The following SND1 variants were observed in gnomAD, a reference collection of about 807,000 sequenced individuals.
SND1 encodes staphylococcal nuclease domain-containing protein 1.
Under a neutral mutation model 121.7 loss-of-function variants are expected in SND1, and 38 were observed. The observed-to-expected ratio is 0.31, with a 90% confidence interval of 0.24 to 0.41. SND1 has a LOEUF of 0.41. Among genes scored for constraint, SND1 ranks in the 10% least tolerant of loss-of-function variants. The probability of loss-of-function intolerance (pLI) is 1.00; values close to 1 mark genes in which losing one functional copy is unlikely to be tolerated. For missense variants in SND1, 868 were observed against 1,184.6 expected, an observed-to-expected ratio of 0.73 and a Z score of 3.92; for synonymous variants, 401 against 447.4, an observed-to-expected ratio of 0.90 and a Z score of 1.31.
chr7:127,955,655 C>T (rs138140734), intron 15 of SND1, among the ~76,000 whole-genome samples: 1 of 152,270 alleles, frequency 6.6e-6, no homozygotes, highest in Non-Finnish European at 1.5e-5. Flanking sequence ...CTTTCTCAGG[C>T]ATATCATCAG....
intron 8 of SND1, among the ~76,000 whole-genome samples, chr7:127,706,505 G>T (rs1033955889): frequency 6.6e-6 from 1 of 151,972 alleles, no homozygotes; most frequent in Non-Finnish European, 1.5e-5. Flanking sequence ...TGATCCGCCC[G>T]CCTTGGCCTC....
chr7:128,034,812 C>T (rs1238016819), intron 16 of SND1, among the ~76,000 whole-genome samples: 1 of 152,324 alleles, frequency 6.6e-6, no homozygotes, highest in South Asian at 2.1e-4. Flanking sequence ...GCTGTGGGGC[C>T]GTCGTTGCAC....
chr7:128,017,955 G>C (rs1803262492), intron 16 of SND1, among the ~76,000 whole-genome samples: 1 of 152,232 alleles, frequency 6.6e-6, no homozygotes, highest in South Asian at 2.1e-4. Context: ...TCTGGCACCT[G>C]ACAAGGGCTC....
chr7:127,842,239 CTG>C lies in SND1; in HGVS notation c.1243-2082_1243-2081del, dbSNP rs1335989601. ...ATGTATTTAGAAAAGGGATTCCAGA[CTG>C]TGGAGAAGGCTTCCGTCTCCTTGAT... On this transcript the variant is annotated intron_variant, in intron 11 of 23. Coordinates refer to ENST00000354725, the MANE Select transcript of SND1 (RefSeq NM_014390.4). Among the ~76,000 whole-genome samples, 10 of 152,268 alleles carry C rather than the reference CTG, an allele frequency of 6.6e-5. No homozygotes were observed. The East Asian group carries it at 1.9e-3, about 29-fold the overall frequency.
At chr7:127,696,494 G>C (rs531359558) in intron 3 of SND1, among the ~76,000 whole-genome samples, 1 of 152,190 alleles carries the variant, frequency 6.6e-6, no homozygotes, top group Non-Finnish European at 1.5e-5. Context: ...TGGTTAGAAA[G>C]AATGTAAGAG....
At chr7:127,815,592 A>G (rs1798424096) in intron 11 of SND1, among the ~76,000 whole-genome samples, 1 of 152,140 alleles carries the variant, frequency 6.6e-6, no homozygotes. Context: ...CAGTGGAGGT[A>G]GAAATTGGAG....
At chr7:127,783,199 C>T (rs1373252604) in intron 10 of SND1, among the ~76,000 whole-genome samples, 4 of 152,196 alleles carry the variant, frequency 2.6e-5, no homozygotes, top group Non-Finnish European at 4.4e-5. Flanking sequence ...GTTCAACAGA[C>T]GTTGAACCAG....
At chr7:128,043,826 TTATATA>T (rs1001802961) in intron 16 of SND1, among the ~76,000 whole-genome samples, 2 of 141,994 alleles carry the variant, frequency 1.4e-5, no homozygotes, top group East Asian at 4.1e-4. Flanking sequence ...TTGTGTATCT[TTATATA>T]TGTATATATG....
chr7:127,964,692 G>C (rs745645125), intron 15 of SND1, among the ~76,000 whole-genome samples: 3 of 150,606 alleles, frequency 2.0e-5, no homozygotes, highest in African/African-American at 7.4e-5. Flanking sequence ...GTAGCGTGAT[G>C]CCTCCAGCTT....
intron 10 of SND1, among the ~76,000 whole-genome samples, chr7:127,773,691 G>GA (rs1797560278): frequency 6.6e-6 from 1 of 151,936 alleles, no homozygotes; most frequent in Non-Finnish European, 1.5e-5. Flanking sequence ...CTGTCTCCTC[G>GA]AAAAAAAATC....
intron 1 of SND1, among the ~76,000 whole-genome samples, chr7:127,663,227 C>G (rs1231899823): frequency 6.6e-6 from 1 of 152,016 alleles, no homozygotes; most frequent in African/African-American, 2.4e-5. Context: ...CTAATAATAC[C>G]TAATACAGTG....
At chr7:127,705,539 A>G (rs61699393) in intron 8 of SND1, among the ~76,000 whole-genome samples, 2,591 of 152,272 alleles carry the variant, frequency 0.017, 93 homozygotes, top group African/African-American at 0.059. Flanking sequence ...AGAAATTCCA[A>G]ATATTAGTCG....
chr7:127,762,393 G>A (rs897686650), intron 10 of SND1, among the ~76,000 whole-genome samples: 38 of 152,258 alleles, frequency 2.5e-4, no homozygotes, highest in African/African-American at 8.7e-4. Context: ...CTGCCCCCTT[G>A]CTGTCTCTTC....
At chr7:127,930,575 T>C (rs190172797) in intron 15 of SND1, among the ~76,000 whole-genome samples, 5 of 152,274 alleles carry the variant, frequency 3.3e-5, no homozygotes, top group Non-Finnish European at 5.9e-5. Context: ...CATTGAAGTG[T>C]GACACCAAGC....
chr7:128,009,284 G>T (rs570203626), intron 16 of SND1, among the ~76,000 whole-genome samples: 1 of 152,350 alleles, frequency 6.6e-6, no homozygotes, highest in Non-Finnish European at 1.5e-5. Flanking sequence ...TGAGCCTGGT[G>T]CACTGGCGGA....
chr7:127,982,055 A>G (rs972386719), intron 15 of SND1, among the ~76,000 whole-genome samples: 3 of 152,330 alleles, frequency 2.0e-5, no homozygotes, highest in African/African-American at 7.2e-5. Flanking sequence ...GAAGTGGCAT[A>G]TCCCTTACCT....
chr7:127,828,109 G>T (rs878968319), intron 11 of SND1, among the ~76,000 whole-genome samples: 1 of 152,078 alleles, frequency 6.6e-6, no homozygotes, highest in Non-Finnish European at 1.5e-5. Flanking sequence ...TGATTCTTCT[G>T]CCTCAGCCTC....
intron 16 of SND1, among the ~76,000 whole-genome samples, chr7:127,996,140 T>TA (rs34060223): frequency 0.22 from 31,742 of 142,598 alleles, 3,700 homozygotes; most frequent in Middle Eastern, 0.31. Flanking sequence ...CTCCCTGCTT[T>TA]AAAAAAAAAA....
intron 15 of SND1, among the ~76,000 whole-genome samples, chr7:127,956,759 C>T (rs1045059963): frequency 1.3e-4 from 20 of 152,328 alleles, no homozygotes; most frequent in Admixed American, 7.2e-4. Context: ...CACATCTGCA[C>T]GTGTGCATGT....
Sources: allele counts gnomAD v4.1 joint callset (sites outside exome capture counted in the v4.1 genomes callset), GRCh38; gene constraint gnomAD v4.1.1; transcripts MANE v1.5; gene names NCBI Gene and HGNC (gene_info 2026-07-23, HGNC 2026-07-21).